Variants in PTH2R observed in about 807,000 individuals in gnomAD.
PTH2R encodes PTH2 receptor.
PTH2R carries 59 observed loss-of-function variants against 60.3 expected under a neutral mutation model. The ratio of observed to expected loss-of-function variants is 0.98; its 90% CI spans 0.79 to 1.22. The LOEUF (loss-of-function observed/expected upper bound fraction) is 1.22. Ranked by LOEUF, PTH2R falls within the 50% of genes most tolerant of loss-of-function variation. PTH2R has a pLI of 0.00. For synonymous variants in PTH2R, 256 were observed against 243.8 expected (o/e 1.05, Z -0.47); for missense variants, 749 against 682.6 (o/e 1.10, Z -1.08).
chr2:208,382,198 T>C (rs140552270), intron 1 of PTH2R, among the ~76,000 whole-genome samples: 1 of 152,102 alleles, frequency 6.6e-6, no homozygotes, highest in Non-Finnish European at 1.5e-5. Flanking sequence ...TGTGTAGATA[T>C]ATCCTGTGTG....
intron 11 of PTH2R, 131 bp downstream of exon 11, chr2:208,489,281 A>C: frequency 8.8e-7 from 1 of 1,134,980 alleles, no homozygotes; most frequent in South Asian, 1.6e-5. Context: ...GGGTGCAGAA[A>C]GGTCAATATT....
chr2:208,406,537 C>T (rs1701410060), upstream of PTH2R, among the ~76,000 whole-genome samples: 2 of 152,210 alleles, frequency 1.3e-5, no homozygotes, highest in South Asian at 4.1e-4. Flanking sequence ...TTCTGGATCA[C>T]TCCTGGAAGA....
At chr2:208,389,242 AC>A (rs1701062674) in intron 1 of PTH2R, among the ~76,000 whole-genome samples, 1 of 151,516 alleles carries the variant, frequency 6.6e-6, no homozygotes, top group Non-Finnish European at 1.5e-5. Context: ...ACACACACAC[AC>A]ACACACACAC....
chr2:208,396,654 C>A (rs1031263259), intron 1 of PTH2R, among the ~76,000 whole-genome samples: 15 of 152,150 alleles, frequency 9.9e-5, no homozygotes, highest in Admixed American at 5.2e-4. Context: ...AGTCAGGAAA[C>A]AACAGATGCT....
At chr2:208,381,843 T>C (rs1700920451) in intron 1 of PTH2R, among the ~76,000 whole-genome samples, 1 of 152,114 alleles carries the variant, frequency 6.6e-6, no homozygotes, top group East Asian at 1.9e-4. Flanking sequence ...CCCAGCAAGA[T>C]AACAGGGACT....
At chr2:208,424,432 G>A (rs369550226) in intron 1 of PTH2R, among the ~76,000 whole-genome samples, 16 of 152,130 alleles carry the variant, frequency 1.1e-4, no homozygotes, top group African/African-American at 1.9e-4. Context: ...AATTTCTTGC[G>A]ATAGTTCCCA....
chr2:208,363,540 G>A (rs753421562), intron 1 of PTH2R, among the ~76,000 whole-genome samples: 1 of 152,142 alleles, frequency 6.6e-6, no homozygotes, highest in Non-Finnish European at 1.5e-5. Context: ...CCAGTAATGG[G>A]GTTGCTAGGT....
At chr2:208,412,239 GATGGAT>G (rs2105837064) in intron 1 of PTH2R, among the ~76,000 whole-genome samples, 1 of 152,302 alleles carries the variant, frequency 6.6e-6, no homozygotes, top group African/African-American at 2.4e-5. Context: ...CCTTCTTGCT[GATGGAT>G]ATTACCACTT....
At chr2:208,367,920 A>G (rs1700624208) in intron 1 of PTH2R, among the ~76,000 whole-genome samples, 1 of 152,236 alleles carries the variant, frequency 6.6e-6, no homozygotes, top group Admixed American at 6.5e-5. Flanking sequence ...CCAAATGCCA[A>G]CAGGTACAAA....
At chr2:208,377,556 C>T (rs1417293633) in intron 1 of PTH2R, among the ~76,000 whole-genome samples, 1 of 147,230 alleles carries the variant, frequency 6.8e-6, no homozygotes, top group Non-Finnish European at 1.5e-5. Context: ...TGACCCCCCA[C>T]CTGCCTCTGG....
At chr2:208,407,870 A>G (rs7608913) in intron 1 of PTH2R, among the ~76,000 whole-genome samples, 11,903 of 152,222 alleles carry the variant, frequency 0.078, 512 homozygotes, top group African/African-American at 0.085. Context: ...AAACCGAATC[A>G]AGGTATTTCT....
Position 208,489,048 on chromosome 2 carries a change from C to A in PTH2R, c.1113C>A (p.Val371=). The part of the protein sequence containing the change: ...LAKSTLVLVL[V]FGVHYIVFVC... ...AATCGACACTGGTCCTGGTCCTAGT[C>A]TTTGGAGTGCATTACATCGTGTTCG... The change falls in exon 11 of 13, where the codon GTC becomes GTA. Residue 371 remains valine, a synonymous_variant. Transcript: ENST00000272847. 6.2e-7 allele frequency: 1 copy of A among 1,614,068 alleles called. No homozygotes were observed. Among genetic ancestry groups the A allele is most frequent in the African/African-American group, 1.3e-5 (1 of 75,008 alleles).
At chr2:208,398,128 G>C (rs1701246468) in intron 1 of PTH2R, among the ~76,000 whole-genome samples, 1 of 152,078 alleles carries the variant, frequency 6.6e-6, no homozygotes, top group South Asian at 2.1e-4. Context: ...TTAAGCCACA[G>C]AAGTCATAGA....
chr2:208,448,945 G>A lies in PTH2R; in HGVS notation c.854-1804G>A, dbSNP rs922240745. On this transcript the variant is annotated intron_variant, in intron 7 of 12. Transcript: ENST00000272847. ...CTATGAAGACATAATGCCTGTGTAC[G>A]ATATTTGACATAATTATCATCTAAA... Among the ~76,000 whole-genome samples the A allele has an allele frequency of 3.9e-4, 59 of 152,018 alleles. 1 individual carries two copies. The highest frequency in any genetic ancestry group is 2.9e-5 in the Non-Finnish European group (2 of 68,006).
At chr2:208,472,374 A>C (rs1161589138) in intron 9 of PTH2R, among the ~76,000 whole-genome samples, 1 of 152,138 alleles carries the variant, frequency 6.6e-6, no homozygotes, top group African/African-American at 2.4e-5. Context: ...ATAACAAGTC[A>C]CCTTTGCTCC....
chr2:208,424,545 C>T (rs1259070634), intron 1 of PTH2R, among the ~76,000 whole-genome samples: 1 of 152,146 alleles, frequency 6.6e-6, no homozygotes, highest in African/African-American at 2.4e-5. Context: ...TTACAACTTC[C>T]ACATTTCTCT....
chr2:208,450,759 A>G lies in PTH2R; in HGVS notation c.864A>G (p.Ala288=), dbSNP rs776331716. 182 of 1,613,920 alleles carry G rather than the reference A, an allele frequency of 1.1e-4. 2 individuals are homozygous for G. Among genetic ancestry groups the G allele is most frequent in the Non-Finnish European group, 1.5e-4 (178 of 1,179,904 alleles). The change falls in exon 8 of 13, where the codon GCA becomes GCG. Residue 288 remains alanine, a synonymous_variant. Coordinates refer to ENST00000272847, the MANE Select transcript of PTH2R (RefSeq NM_005048.4). ...ATTTTCTGATTTCAGGGTTTCCAGCAGCATTTGTTGCAGCATGGGCTGTGG... is the reference window on the plus strand; with the variant it reads ...ATTTTCTGATTTCAGGGTTTCCAGCGGCATTTGTTGCAGCATGGGCTGTGG... ...GFILIGWGFP[A]AFVAAWAVAR... is the part of the protein sequence containing the mutation.
intron 9 of PTH2R, among the ~76,000 whole-genome samples, chr2:208,461,880 G>A (rs556335738): frequency 1.9e-4 from 29 of 152,330 alleles, no homozygotes; most frequent in Admixed American, 3.3e-4. Flanking sequence ...TTGAAGATTC[G>A]CTGTTGGCGA....
At chr2:208,377,527 C>T (rs549050394) in intron 1 of PTH2R, among the ~76,000 whole-genome samples, 40 of 148,066 alleles carry the variant, frequency 2.7e-4, no homozygotes, top group African/African-American at 3.7e-4. Context: ...CCAGACGGGG[C>T]GGCTGGCCGG....
Sources: gnomAD v4.1 joint callset for allele counts (sites outside exome capture counted in the v4.1 genomes callset) on GRCh38, gnomAD v4.1.1 for gene constraint, MANE v1.5 for transcripts, NCBI Gene and HGNC (gene_info 2026-07-23, HGNC 2026-07-21) for gene names.